The following CACNA1E variants were observed in gnomAD, a reference collection of about 807,000 sequenced individuals.
The protein encoded by CACNA1E is calcium voltage-gated channel subunit alpha1 E.
Under a neutral mutation model 259.2 loss-of-function variants are expected in CACNA1E, and 40 were observed. The ratio of observed to expected loss-of-function variants is 0.15; its 90% confidence interval spans 0.12 to 0.20. The LOEUF (loss-of-function observed/expected upper bound fraction) is 0.20, where lower values mean the gene tolerates loss of function less well. Ranked by LOEUF, CACNA1E falls within the 10% of genes least tolerant of loss-of-function variation. CACNA1E has a pLI of 1.00. For missense variants in CACNA1E, 1,874 were observed against 3,040.1 expected (o/e 0.62, Z 9.02); for synonymous variants, 1,104 against 1,138.5 (o/e 0.97, Z 0.61).
intron 2 of CACNA1E, among the ~76,000 whole-genome samples, chr1:181,440,013 C>A (rs1415414413): frequency 6.6e-6 from 1 of 152,080 alleles, no homozygotes; most frequent in African/African-American, 2.4e-5. Flanking sequence ...CAATAATAGT[C>A]ATAATAGGAA....
In CACNA1E at chr1:181,776,048, C is replaced by T; in HGVS notation, c.5140-53C>T. The T allele has an allele frequency of 6.4e-7, 1 of 1,559,800 alleles. No individual in the cohort carries two copies. Among genetic ancestry groups the T allele is most frequent in the South Asian group, 1.2e-5 (1 of 83,034 alleles). On this transcript the variant is annotated intron_variant, in intron 37 of 47. Transcript: ENST00000367573. The surrounding 1 kb of genome is among the most constrained non-coding windows in gnomAD (Gnocchi z 4.4). ...GCCCTGAAGCCTGTTCTTCTGCTTC[C>T]TGAGCTCTGCTTTAGGTTTCCCCTA...
At chr1:181,411,702 C>A (rs548844990) in intron 1 of CACNA1E, among the ~76,000 whole-genome samples, 1 of 152,292 alleles carries the variant, frequency 6.6e-6, no homozygotes, top group African/African-American at 2.4e-5. Flanking sequence ...CTCTGCCCAC[C>A]GGGTTCAAGC....
chr1:181,723,125 G>A (rs890717056), intron 16 of CACNA1E, among the ~76,000 whole-genome samples: 13 of 152,168 alleles, frequency 8.5e-5, no homozygotes, highest in South Asian at 4.2e-4. Context: ...AATGAAATGT[G>A]GAACCCTTCA....
chr1:181,378,652 G>A (rs1158653011), intron 1 of CACNA1E, among the ~76,000 whole-genome samples: 1 of 152,192 alleles, frequency 6.6e-6, no homozygotes, highest in African/African-American at 2.4e-5. Flanking sequence ...AATAACTGCT[G>A]GATAGGATTA....
intron 1 of CACNA1E, among the ~76,000 whole-genome samples, chr1:181,357,425 T>A (rs1038258256): frequency 9.2e-5 from 14 of 152,236 alleles, no homozygotes; most frequent in African/African-American, 3.4e-4. Context: ...TCTTCTCAGG[T>A]CACCTAGTGA....
chr1:181,443,212 G>C (rs549075649), intron 2 of CACNA1E, among the ~76,000 whole-genome samples: 2 of 152,342 alleles, frequency 1.3e-5, no homozygotes, highest in South Asian at 4.1e-4. Flanking sequence ...ATAAAAATGT[G>C]TGAAAGCACT....
chr1:181,796,898 G>C, intron 47 of CACNA1E, 40 bp downstream of exon 47: 1 of 1,440,502 alleles, frequency 6.9e-7, no homozygotes, highest in Non-Finnish European at 9.4e-7. Context: ...CAGAAGGACA[G>C]GGGAGGGTGG....
chr1:181,371,017 T>C (rs1654668988), intron 1 of CACNA1E, among the ~76,000 whole-genome samples: 2 of 152,252 alleles, frequency 1.3e-5, no homozygotes, highest in Admixed American at 6.5e-5. Flanking sequence ...ATTTCTCTAA[T>C]GACTAGTGAT....
In CACNA1E at chr1:181,361,262, G is replaced by A. The variant is rs564385955; in HGVS notation, c.-15+43139G>A. The stretch of plus-strand genomic sequence containing the variant: ...TCCTTCCCTGAGGCAATGTACTGTC[G>A]TAAGCAGACTCAATGAGGGAAGGAC... On this transcript the variant is annotated intron_variant, in intron 1 of 11. Coordinates refer to the CACNA1E transcript ENST00000524607. Among the ~76,000 whole-genome samples the A allele has an allele frequency of 7.7e-4, 117 of 152,254 alleles. 1 individual carries two copies. Among genetic ancestry groups the A allele is most frequent in the African/African-American group, 2.7e-3 (113 of 41,542 alleles).
At chr1:181,388,462 A>G (rs938360385) in intron 1 of CACNA1E, among the ~76,000 whole-genome samples, 5 of 152,204 alleles carry the variant, frequency 3.3e-5, no homozygotes, top group African/African-American at 1.2e-4. Flanking sequence ...GCTATATGGT[A>G]TAGCCTATCG....
chr1:181,612,928 G>A lies in CACNA1E; in HGVS notation c.951+32152G>A, dbSNP rs567069200. Among the ~76,000 whole-genome samples the A allele has an allele frequency of 2.0e-4, 30 of 152,300 alleles. No homozygotes were observed. The South Asian group carries it at 6.2e-3, about 32-fold the overall frequency. On this transcript the variant is annotated intron_variant, in intron 6 of 47. Coordinates refer to ENST00000367573, the MANE Select transcript of CACNA1E (RefSeq NM_001205293.3). ...CCACCTGGAATTGATTTTTATGTGT[G>A]TTGTGAGCAGGAGTTAAGATTTATT...
chr1:181,338,981 C>G (rs929835195), intron 1 of CACNA1E, among the ~76,000 whole-genome samples: 1 of 151,692 alleles, frequency 6.6e-6, no homozygotes, highest in Non-Finnish European at 1.5e-5. Context: ...GTCTATGCTT[C>G]GAATTATTTC....
chr1:181,711,195 G>C, intron 8 of CACNA1E, 126 bp downstream of exon 8: 1 of 680,120 alleles, frequency 1.5e-6, no homozygotes, highest in Admixed American at 2.6e-5. Flanking sequence ...CTGGATGCTT[G>C]GTTGGCTCTT....
At chr1:181,784,907 A>G in intron 41 of CACNA1E, 139 bp downstream of exon 41, 2 of 620,226 alleles carry the variant, frequency 3.2e-6, no homozygotes, top group Non-Finnish European at 5.7e-6. Context: ...GGACTTAAGG[A>G]TAAAACATGT....
chr1:181,538,955 G>T (rs1421592750), intron 3 of CACNA1E, among the ~76,000 whole-genome samples: 1 of 152,184 alleles, frequency 6.6e-6, no homozygotes, highest in Non-Finnish European at 1.5e-5. Context: ...TCAGTGGTTT[G>T]CTGTTTTCTG....
At chr1:181,757,827 A>C in intron 30 of CACNA1E, 120 bp from the exon 31 acceptor site, 1 of 1,079,406 alleles carries the variant, frequency 9.3e-7, no homozygotes, top group Non-Finnish European at 1.4e-6. Flanking sequence ...TGCCATCTTT[A>C]CTTGCCCAGC....
intron 2 of CACNA1E, among the ~76,000 whole-genome samples, chr1:181,418,633 C>A (rs1658468772): frequency 6.6e-6 from 1 of 152,106 alleles, no homozygotes. Context: ...GATTTCTCTC[C>A]AAACCTGCTT....
Position 181,798,164 on chromosome 1 carries a change from T to C in CACNA1E, c.6400-128T>C. On this transcript the variant is annotated intron_variant, in intron 47 of 47. Coordinates refer to ENST00000367573, the MANE Select transcript of CACNA1E (RefSeq NM_001205293.3). This position sits in a 1 kb window ranked among gnomAD's most constrained non-coding sequence, Gnocchi z 4.2. The stretch of plus-strand genomic sequence containing the variant: ...CCCTTTTTCCCTGAGTGGATGTGAA[T>C]ACTACAGGGAGCTCCAGCTCAGGCC... 1 of 719,478 alleles carries C rather than the reference T, an allele frequency of 1.4e-6. No individual in the cohort carries two copies. The highest frequency in any genetic ancestry group is 2.4e-6 in the Non-Finnish European group (1 of 424,958). The allele number at this position is 719,478 out of a possible 1,614,324, so 44.6% of individuals were successfully genotyped here.
At chr1:181,699,157 T>C (rs1214556690) in intron 7 of CACNA1E, among the ~76,000 whole-genome samples, 1 of 152,212 alleles carries the variant, frequency 6.6e-6, no homozygotes, top group Admixed American at 6.5e-5. Flanking sequence ...AGAAAGAATA[T>C]GTACTTCTGA....
Sources: allele counts gnomAD v4.1 joint callset (sites outside exome capture counted in the v4.1 genomes callset), GRCh38; gene constraint gnomAD v4.1.1; non-coding constraint Gnocchi (gnomAD v3.1); transcripts MANE v1.5; gene names NCBI Gene and HGNC (gene_info 2026-07-23, HGNC 2026-07-21).